RANBP2: variants seen among roughly 807,000 people sequenced by gnomAD.
RANBP2 encodes the protein RAN binding protein 2.
RANBP2 carries 57 observed loss-of-function variants against 303.6 expected under a neutral mutation model. The ratio of observed to expected loss-of-function variants is 0.19; its 90% confidence interval spans 0.15 to 0.23. The LOEUF (loss-of-function observed/expected upper bound fraction) is 0.23, where lower values mean the gene tolerates loss of function less well. Ranked by LOEUF, RANBP2 falls within the 10% of genes least tolerant of loss-of-function variation. RANBP2 has a pLI of 1.00. For missense variants in RANBP2, 3,138 were observed against 3,780.8 expected (o/e 0.83, Z 4.46); for synonymous variants, 1,167 against 1,301.5 (o/e 0.90, Z 2.23).
At chr2:109,252,006 G>C in the RANBP2 span, among the ~76,000 whole-genome samples, 5,855 of 152,218 alleles carry the variant, frequency 0.038, 372 homozygotes, top group African/African-American at 0.13. Flanking sequence ...ACTTTGGGAG[G>C]CCAAGGTAGG....
chr2:109,765,360 A>G, the RANBP2 span, among the ~76,000 whole-genome samples: 1 of 150,286 alleles, frequency 6.7e-6, no homozygotes, highest in South Asian at 2.2e-4. Context: ...ACACTTGGAT[A>G]TTTCCTGTCC....
At chr2:109,106,802 A>G in the RANBP2 span, among the ~76,000 whole-genome samples, 1 of 152,178 alleles carries the variant, frequency 6.6e-6, no homozygotes, top group African/African-American at 2.4e-5. Flanking sequence ...GCACCACTGC[A>G]CTCCATTCTG....
chr2:109,130,196 T>G, the RANBP2 span: 1 of 1,195,226 alleles, frequency 8.4e-7, no homozygotes, highest in Non-Finnish European at 1.0e-6. Context: ...AGTGATGAGG[T>G]GCGGAGGAGA....
chr2:109,510,579 G>A, the RANBP2 span, among the ~76,000 whole-genome samples: 1 of 152,164 alleles, frequency 6.6e-6, no homozygotes, highest in Non-Finnish European at 1.5e-5. Context: ...ACCCTCTGCA[G>A]CCCAGAGGGC....
At chr2:109,709,376 T>TAACAA in the RANBP2 span, among the ~76,000 whole-genome samples, 2 of 126,836 alleles carry the variant, frequency 1.6e-5, no homozygotes, top group African/African-American at 2.6e-5. Flanking sequence ...ATAATAAAAA[T>TAACAA]AACAAAACAA....
At chr2:108,842,023 C>CTTGT in the RANBP2 span, among the ~76,000 whole-genome samples, 108 of 151,792 alleles carry the variant, frequency 7.1e-4, no homozygotes, top group South Asian at 7.1e-3. Flanking sequence ...AAGGGTTTTT[C>CTTGT]TTGTTTGTTT....
chr2:109,553,164 T>A, the RANBP2 span: 4 of 1,614,164 alleles, frequency 2.5e-6, no homozygotes, highest in Non-Finnish European at 3.4e-6. Flanking sequence ...TCTTCTTCCT[T>A]CCTCTGACGT....
chr2:109,102,431 C>CA, the RANBP2 span, among the ~76,000 whole-genome samples: 690 of 142,592 alleles, frequency 4.8e-3, 5 homozygotes, highest in African/African-American at 0.017. Flanking sequence ...AATTCCGCTT[C>CA]AAAAAAAAAA....
chr2:109,008,891 TCCATCTC>T, the RANBP2 span, among the ~76,000 whole-genome samples: 1 of 146,376 alleles, frequency 6.8e-6, no homozygotes, highest in Non-Finnish European at 1.5e-5. Context: ...AGAGCAAGAT[TCCATCTC>T]AAAAAAAAAA....
chr2:109,530,363 T>TGGCG, the RANBP2 span, among the ~76,000 whole-genome samples: 4 of 152,200 alleles, frequency 2.6e-5, no homozygotes, highest in Non-Finnish European at 5.9e-5. Context: ...GAGCAGGCTG[T>TGGCG]GGCGCCTCCA....
At chr2:109,170,591 C>T in the RANBP2 span, among the ~76,000 whole-genome samples, 1 of 152,094 alleles carries the variant, frequency 6.6e-6, no homozygotes, top group African/African-American at 2.4e-5. Flanking sequence ...ACCTCGTGAT[C>T]CACCCGCCTC....
chr2:108,790,134 C>T (rs995119945), downstream of RANBP2, among the ~76,000 whole-genome samples: 1 of 151,940 alleles, frequency 6.6e-6, no homozygotes. Context: ...AATAAGTACT[C>T]AAATGTTACC....
chr2:108,823,057 A>G, the RANBP2 span, among the ~76,000 whole-genome samples: 2 of 152,226 alleles, frequency 1.3e-5, no homozygotes, highest in South Asian at 2.1e-4. Context: ...GAAGAAATGA[A>G]TAAGTTCCTA....
At chr2:108,802,101 T>C in the RANBP2 span, among the ~76,000 whole-genome samples, 1 of 145,508 alleles carries the variant, frequency 6.9e-6, no homozygotes, top group African/African-American at 2.6e-5. Flanking sequence ...AGGATTGACT[T>C]GGCGATGCGG....
chr2:109,615,990 G>A, the RANBP2 span: 16 of 1,550,044 alleles, frequency 1.0e-5, no homozygotes, highest in Non-Finnish European at 1.4e-5. Context: ...CAGGGGGGAG[G>A]AGGGAGTGGG....
chr2:109,450,222 T>C, the RANBP2 span, among the ~76,000 whole-genome samples: 1 of 152,050 alleles, frequency 6.6e-6, no homozygotes. Flanking sequence ...GGCGTGCGCC[T>C]GTAATCCCAG....
the RANBP2 span, among the ~76,000 whole-genome samples, chr2:109,118,094 C>A: frequency 6.6e-6 from 1 of 152,186 alleles, no homozygotes; most frequent in African/African-American, 2.4e-5. Context: ...GGCACAAAGG[C>A]CTTCTGCGGA....
the RANBP2 span, among the ~76,000 whole-genome samples, chr2:109,144,488 C>G: frequency 6.6e-6 from 1 of 152,220 alleles, no homozygotes; most frequent in Non-Finnish European, 1.5e-5. Context: ...TCACGCCCAG[C>G]TGTGGATGTG....
the RANBP2 span, among the ~76,000 whole-genome samples, chr2:109,034,014 G>A: frequency 4.0e-5 from 6 of 150,632 alleles, no homozygotes; most frequent in Non-Finnish European, 7.4e-5. Flanking sequence ...TGTAATCCCA[G>A]CACTTTGGGA....
Sources: allele counts gnomAD v4.1 joint callset (sites outside exome capture counted in the v4.1 genomes callset), GRCh38; gene constraint gnomAD v4.1.1; transcripts MANE v1.5; gene names NCBI Gene and HGNC (gene_info 2026-07-23, HGNC 2026-07-21).